B3GALT1: variants seen among roughly 807,000 people sequenced by gnomAD.
The protein encoded by B3GALT1 is beta-1,3-galactosyltransferase 1, also known as UDP-Gal:betaGlcNAc beta 1,3-galactosyltransferase, polypeptide 1.
A neutral mutation model predicts 23.2 loss-of-function variants in B3GALT1; 10 were observed. The observed-to-expected ratio is 0.43, with a 90% CI of 0.27 to 0.73. The LOEUF is 0.73. B3GALT1 is among the 30% of genes least tolerant of loss of function. The pLI is 0.21. For missense variants in B3GALT1, 299 were observed against 405.4 expected (o/e 0.74, Z 2.25); for synonymous variants, 156 against 141.5 (o/e 1.10, Z -0.73).
intron 3 of B3GALT1, among the ~76,000 whole-genome samples, chr2:167,695,187 T>G (rs1390716468): frequency 6.6e-6 from 1 of 152,144 alleles, no homozygotes; most frequent in East Asian, 1.9e-4. Context: ...CCATTTTCTC[T>G]CTTATTCTCA....
At chr2:167,514,301 C>A (rs773868208) in intron 2 of B3GALT1, among the ~76,000 whole-genome samples, 1 of 152,094 alleles carries the variant, frequency 6.6e-6, no homozygotes, top group African/African-American at 2.4e-5. Context: ...AAGAGGATCT[C>A]GATTATCCCA....
chr2:167,455,176 G>T (rs1286759936), intron 1 of B3GALT1, among the ~76,000 whole-genome samples: 1 of 152,128 alleles, frequency 6.6e-6, no homozygotes, highest in Non-Finnish European at 1.5e-5. Context: ...TTCCTAGATT[G>T]AGAACCTCTA....
intron 3 of B3GALT1, among the ~76,000 whole-genome samples, chr2:167,801,449 A>G (rs1206297587): frequency 6.6e-6 from 1 of 152,202 alleles, no homozygotes; most frequent in South Asian, 2.1e-4. Flanking sequence ...GTTTTCATTC[A>G]CTTCACGTCA....
chr2:167,823,601 C>T (rs1159805606), intron 4 of B3GALT1, among the ~76,000 whole-genome samples: 1 of 152,182 alleles, frequency 6.6e-6, no homozygotes, highest in East Asian at 1.9e-4. Context: ...TGCCCTGGTT[C>T]ATTTCTCATT....
At chr2:167,526,606 G>T (rs1204779612) in intron 2 of B3GALT1, among the ~76,000 whole-genome samples, 1 of 152,332 alleles carries the variant, frequency 6.6e-6, no homozygotes, top group East Asian at 1.9e-4. Flanking sequence ...TGCACAATTT[G>T]TGTATGTGTG....
chr2:167,304,298 A>G (rs954449507), intron 1 of B3GALT1, among the ~76,000 whole-genome samples: 6 of 152,170 alleles, frequency 3.9e-5, no homozygotes, highest in African/African-American at 1.2e-4. Context: ...CAACATGATT[A>G]TATCCCTTAG....
intron 1 of B3GALT1, among the ~76,000 whole-genome samples, chr2:167,479,775 T>A (rs1167088235): frequency 6.6e-6 from 1 of 151,966 alleles, no homozygotes; most frequent in Non-Finnish European, 1.5e-5. Flanking sequence ...GGTATTGTAA[T>A]AAAGAAAGAG....
chr2:167,389,909 C>CAAA (rs141871874), intron 1 of B3GALT1, among the ~76,000 whole-genome samples: 30 of 112,552 alleles, frequency 2.7e-4, no homozygotes, highest in South Asian at 8.6e-4. Context: ...ATACCCTGTC[C>CAAA]AAAAAAAAAA....
chr2:167,500,312 A>G (rs1199293365), intron 2 of B3GALT1, among the ~76,000 whole-genome samples: 1 of 152,192 alleles, frequency 6.6e-6, no homozygotes, highest in African/African-American at 2.4e-5. Flanking sequence ...TTAAAATGCT[A>G]GTCAAATAAT....
chr2:167,504,095 C>T (rs1011657445), intron 2 of B3GALT1, among the ~76,000 whole-genome samples: 1 of 152,122 alleles, frequency 6.6e-6, no homozygotes, highest in Non-Finnish European at 1.5e-5. Flanking sequence ...ATGCAGTGGG[C>T]ACAATTTCAT....
chr2:167,301,554 G>GTTTA (rs1375729757), intron 1 of B3GALT1, among the ~76,000 whole-genome samples: 1 of 151,998 alleles, frequency 6.6e-6, no homozygotes, highest in Admixed American at 6.6e-5. Context: ...TTGTTTGTTT[G>GTTTA]TTTATTTATT....
At chr2:167,348,136 C>T (rs1697253979) in intron 1 of B3GALT1, among the ~76,000 whole-genome samples, 2 of 152,136 alleles carry the variant, frequency 1.3e-5, no homozygotes, top group Admixed American at 1.3e-4. Flanking sequence ...TTGTGCATAG[C>T]ACCTGGCACA....
At chr2:167,369,868 T>A (rs1697652901) in intron 1 of B3GALT1, among the ~76,000 whole-genome samples, 1 of 152,182 alleles carries the variant, frequency 6.6e-6, no homozygotes, top group African/African-American at 2.4e-5. Context: ...ACAGTGCAGA[T>A]AAAAAATATT....
At chr2:167,434,564 C>CA (rs1158871579) in intron 1 of B3GALT1, among the ~76,000 whole-genome samples, 1 of 150,300 alleles carries the variant, frequency 6.7e-6, no homozygotes, top group Non-Finnish European at 1.5e-5. Flanking sequence ...AAACCATTAC[C>CA]ATACGTAAAA....
intron 4 of B3GALT1, among the ~76,000 whole-genome samples, chr2:167,820,011 C>A (rs1689073905): frequency 6.6e-6 from 1 of 152,108 alleles, no homozygotes; most frequent in Admixed American, 6.5e-5. Flanking sequence ...CAGCACACAG[C>A]CTAAACGGGT....
chr2:167,706,285 G>A (rs2105514305), intron 3 of B3GALT1, among the ~76,000 whole-genome samples: 1 of 152,338 alleles, frequency 6.6e-6, no homozygotes, highest in African/African-American at 2.4e-5. Flanking sequence ...AATCGGCTAA[G>A]ACTGTGTGGG....
intron 3 of B3GALT1, among the ~76,000 whole-genome samples, chr2:167,763,690 GA>G (rs35567239): frequency 1.7e-3 from 136 of 82,074 alleles, no homozygotes; most frequent in East Asian, 9.5e-3. Flanking sequence ...GACTCTGTCA[GA>G]AAAAAAAAAA....
At chr2:167,765,273 C>T (rs1260293745) in intron 3 of B3GALT1, among the ~76,000 whole-genome samples, 1 of 152,150 alleles carries the variant, frequency 6.6e-6, no homozygotes, top group Non-Finnish European at 1.5e-5. Flanking sequence ...GGAAGCTCAA[C>T]AGTTGCTTCC....
intron 1 of B3GALT1, among the ~76,000 whole-genome samples, chr2:167,400,965 A>T (rs1254626350): frequency 1.3e-5 from 2 of 152,140 alleles, no homozygotes; most frequent in Non-Finnish European, 2.9e-5. Flanking sequence ...TCGGCTGTCT[A>T]CTTTTTAGTC....
Sources: allele counts gnomAD v4.1 joint callset (sites outside exome capture counted in the v4.1 genomes callset), GRCh38; gene constraint gnomAD v4.1.1; transcripts MANE v1.5; gene names NCBI Gene and HGNC (gene_info 2026-07-23, HGNC 2026-07-21).